The following SH3BP4 variants were observed in gnomAD, a reference collection of about 807,000 sequenced individuals.
The protein encoded by SH3BP4 is SH3 domain binding protein 4.
In SH3BP4, 33 loss-of-function variants were observed where a neutral mutation model predicts 65.5. That is an observed-to-expected ratio of 0.50 (90% CI 0.38 to 0.67). The LOEUF is 0.67. Ranked by LOEUF, SH3BP4 falls within the 30% of genes least tolerant of loss-of-function variation. SH3BP4 has a pLI of 0.00. For synonymous variants in SH3BP4, 552 were observed against 545.5 expected (o/e 1.01, Z -0.17); for missense variants, 1,134 against 1,261.4 (o/e 0.90, Z 1.53).
At chr2:234,989,327 C>G (rs932084080) in intron 1 of SH3BP4, among the ~76,000 whole-genome samples, 1 of 152,180 alleles carries the variant, frequency 6.6e-6, no homozygotes, top group African/African-American at 2.4e-5. Context: ...TAGAAAGAAA[C>G]CTTGAAATGG....
At chr2:235,017,500 C>T (rs886811578) in intron 2 of SH3BP4, among the ~76,000 whole-genome samples, 3 of 151,706 alleles carry the variant, frequency 2.0e-5, no homozygotes, top group African/African-American at 7.3e-5. Context: ...GGCTGCTTGG[C>T]ATTCTGTCAT....
In SH3BP4 at chr2:235,035,865, T is replaced by G. The variant is rs572816680; in HGVS notation, c.118+745T>G. On this transcript the variant is annotated intron_variant, in intron 3 of 5. Transcript: ENST00000392011. The surrounding 1 kb of genome is among the most constrained non-coding windows in gnomAD (Gnocchi z 5.0). ...TAACCTAGGCCACGTTCAGTCTCTC[T>G]CACATGCTCCTTTGGGGCTTGGCAG... 2.4e-4 allele frequency among the ~76,000 whole-genome samples: 36 copies of G among 152,224 alleles called. No individual in the cohort carries two copies. The highest frequency in any genetic ancestry group is 4.9e-4 in the Non-Finnish European group (33 of 68,038).
chr2:235,011,988 A>G (rs969039481), intron 2 of SH3BP4, among the ~76,000 whole-genome samples: 2 of 152,184 alleles, frequency 1.3e-5, no homozygotes, highest in Non-Finnish European at 1.5e-5. Context: ...GGCTGGAGAG[A>G]CACACAATTC....
At chr2:234,963,150 T>G (rs1692753107) in intron 1 of SH3BP4, among the ~76,000 whole-genome samples, 1 of 152,238 alleles carries the variant, frequency 6.6e-6, no homozygotes, top group Non-Finnish European at 1.5e-5. Flanking sequence ...CAGGTTTGTA[T>G]AGGTACAGGT....
chr2:235,019,281 G>A (rs993925387), intron 2 of SH3BP4, among the ~76,000 whole-genome samples: 8 of 152,058 alleles, frequency 5.3e-5, no homozygotes, highest in Non-Finnish European at 1.0e-4. Context: ...GCACACAGCC[G>A]GGAGCAGGTA....
chr2:235,017,601 A>G (rs1694728755), intron 2 of SH3BP4, among the ~76,000 whole-genome samples: 1 of 152,098 alleles, frequency 6.6e-6, no homozygotes, highest in Non-Finnish European at 1.5e-5. Context: ...TCTTCTCAGG[A>G]TGAGTGACTG....
At chr2:235,031,618 C>G (rs1188346101) in intron 2 of SH3BP4, among the ~76,000 whole-genome samples, 1 of 152,334 alleles carries the variant, frequency 6.6e-6, no homozygotes, top group East Asian at 1.9e-4. Context: ...CCACCACAGC[C>G]CCTCCATCCC....
rs529854455 is a variant in SH3BP4, at chr2:234,965,078, C to G, written c.-207+12908C>G. ...ATAAAATTGTCTCTGATTAATCACC[C>G]TGTACAGCTTTTAAAAGTTACTTTT... On this transcript the variant is annotated intron_variant, in intron 1 of 5. Transcript: ENST00000392011. Among the ~76,000 whole-genome samples, 5 of 152,340 alleles carry G rather than the reference C, an allele frequency of 3.3e-5. No individual in the cohort carries two copies. The South Asian group carries it at 1.0e-3, about 32-fold the overall frequency.
In SH3BP4 at chr2:235,054,294, C is replaced by T. The variant is rs553436139; in HGVS notation, c.*478C>T. On this transcript the variant is annotated 3_prime_UTR_variant, in exon 6 of 6. Transcript: ENST00000392011. ...TTTCAACACTCAGCCCGGAAAGATG[C>T]TCGTTCGGTTGTTGGACCTCTTTCA... is the stretch of plus-strand genomic sequence containing the variant. 1 of 155,896 alleles carries T rather than the reference C, an allele frequency of 6.4e-6. No individual in the cohort carries two copies. Among genetic ancestry groups the T allele is most frequent in the African/African-American group, 2.4e-5 (1 of 41,462 alleles). 9.7% of individuals were successfully genotyped at this position (155,896 alleles called of 1,614,324 possible). A position where few individuals can be genotyped will look rare whatever the true frequency, so the allele number is the denominator to read the frequency against.
chr2:235,017,329 C>A (rs750084278), intron 2 of SH3BP4, among the ~76,000 whole-genome samples: 2 of 151,616 alleles, frequency 1.3e-5, no homozygotes, highest in Non-Finnish European at 2.9e-5. Context: ...CACCTGTAAT[C>A]CCAGCTACTT....
At chr2:234,979,148 T>C in intron 1 of SH3BP4, among the ~76,000 whole-genome samples, 1 of 152,260 alleles carries the variant, frequency 6.6e-6, no homozygotes, top group Non-Finnish European at 1.5e-5. Flanking sequence ...ACAGGTAATA[T>C]TTGAAAATAT....
chr2:235,008,387 C>T (rs1272389230), intron 2 of SH3BP4, among the ~76,000 whole-genome samples: 1 of 152,146 alleles, frequency 6.6e-6, no homozygotes, highest in Non-Finnish European at 1.5e-5. Context: ...AGAGAGAAAA[C>T]GCCAGGAAGA....
At chr2:235,029,401 G>A (rs1695105873) in intron 2 of SH3BP4, among the ~76,000 whole-genome samples, 8 of 152,168 alleles carry the variant, frequency 5.3e-5, no homozygotes, top group Admixed American at 6.5e-5. Flanking sequence ...GCAGGTGGGT[G>A]TCTGAGTCTG....
At chr2:235,044,478 G>A (rs1215342296) in intron 4 of SH3BP4, among the ~76,000 whole-genome samples, 1 of 152,254 alleles carries the variant, frequency 6.6e-6, no homozygotes, top group Non-Finnish European at 1.5e-5. Flanking sequence ...TTCTCCCTGT[G>A]ATAGAACGGA....
At chr2:235,009,008 G>A (rs1694390882) in intron 2 of SH3BP4, among the ~76,000 whole-genome samples, 1 of 152,224 alleles carries the variant, frequency 6.6e-6, no homozygotes, top group South Asian at 2.1e-4. Flanking sequence ...CGGACAGCTT[G>A]TGTTCTCTGG....
In SH3BP4 at chr2:234,976,658, G is replaced by T. The variant is rs1693176175; in HGVS notation, c.-206-18645G>T. On this transcript the variant is annotated intron_variant, in intron 1 of 5. Coordinates refer to ENST00000392011, the MANE Select transcript of SH3BP4 (RefSeq NM_014521.3). The surrounding 1 kb of genome is among the most constrained non-coding windows in gnomAD (Gnocchi z 4.7). ...GCAGGTGACCAAGGTCACCATGGCA[G>T]GGATAAGTCACGCTGATGGCATTGT... Among the ~76,000 whole-genome samples, 2 of 152,196 alleles carry T rather than the reference G, an allele frequency of 1.3e-5. No homozygotes were observed. The highest frequency in any genetic ancestry group is 4.8e-5 in the African/African-American group (2 of 41,428).
chr2:235,053,562 C>G, intron 5 of SH3BP4, 30 bp from the exon 6 acceptor site: 1 of 1,547,576 alleles, frequency 6.5e-7, no homozygotes, highest in South Asian at 1.1e-5. Flanking sequence ...CTCTCTCCCT[C>G]CTTTTGTTTT....
At chr2:235,025,363 C>CCCACCCCT (rs1694967669) in intron 2 of SH3BP4, among the ~76,000 whole-genome samples, 2 of 152,230 alleles carry the variant, frequency 1.3e-5, no homozygotes, top group South Asian at 4.2e-4. Context: ...TGGTGGGGGC[C>CCCACCCCT]CCCACCCCTC....
rs1318283267 is a variant in SH3BP4 at position 234,967,327 on chromosome 2, G to A, written c.-207+15157G>A. Among the ~76,000 whole-genome samples the A allele has an allele frequency of 3.9e-5, 6 of 152,162 alleles. No individual in the cohort carries two copies. The highest frequency in any genetic ancestry group is 2.1e-4 in the South Asian group (1 of 4,824). On this transcript the variant is annotated intron_variant, in intron 1 of 5. Coordinates refer to ENST00000392011, the MANE Select transcript of SH3BP4 (RefSeq NM_014521.3). This position sits in a 1 kb window ranked among gnomAD's most constrained non-coding sequence, Gnocchi z 4.6. ...TAGGGAACCTGAGGTCGCAGATGAC[G>A]TGTGAGGGTGGGCGGGAGGTTGCCA...
Sources: allele counts gnomAD v4.1 joint callset (sites outside exome capture counted in the v4.1 genomes callset), GRCh38; gene constraint gnomAD v4.1.1; non-coding constraint Gnocchi (gnomAD v3.1); transcripts MANE v1.5; gene names NCBI Gene and HGNC (gene_info 2026-07-23, HGNC 2026-07-21).